CCDC181: variants seen among roughly 807,000 people sequenced by gnomAD.
The protein encoded by CCDC181 is coiled-coil domain containing 181.
A neutral mutation model predicts 58.7 loss-of-function variants in CCDC181; 35 were observed. The ratio of observed to expected loss-of-function variants is 0.60; its 90% CI spans 0.46 to 0.79. The LOEUF is 0.79. Among genes scored for constraint, CCDC181 ranks in the 30% least tolerant of loss-of-function variants. The probability of loss-of-function intolerance (pLI) is 0.00; values close to 1 mark genes in which losing one functional copy is unlikely to be tolerated. For synonymous variants in CCDC181, 183 were observed against 197.5 expected, an observed-to-expected ratio of 0.93 and a Z score of 0.62; for missense variants, 517 against 583.9, an observed-to-expected ratio of 0.89 and a Z score of 1.18.
chr1:169,445,952 T>C (rs1657361836), intron 2 of CCDC181, among the ~76,000 whole-genome samples: 1 of 152,188 alleles, frequency 6.6e-6, no homozygotes, highest in African/African-American at 2.4e-5. Context: ...GATTCCTCTC[T>C]CATTTCTGAT....
At chr1:169,437,867 T>A (rs566612093) in intron 2 of CCDC181, among the ~76,000 whole-genome samples, 3 of 152,358 alleles carry the variant, frequency 2.0e-5, no homozygotes, top group South Asian at 4.1e-4. Context: ...GTTTTAAAAG[T>A]AAACATTTGC....
chr1:169,428,887 T>G (rs1029502326), upstream of CCDC181, among the ~76,000 whole-genome samples: 2 of 152,210 alleles, frequency 1.3e-5, no homozygotes, highest in African/African-American at 4.8e-5. Context: ...ACAACTGAGC[T>G]CAGGCAGTCT....
intron 2 of CCDC181, among the ~76,000 whole-genome samples, chr1:169,446,255 C>T (rs1377562747): frequency 6.6e-6 from 1 of 152,028 alleles, no homozygotes; most frequent in Non-Finnish European, 1.5e-5. Flanking sequence ...ACCATCTTGG[C>T]CAACATCATG....
chr1:169,404,851 G>C (rs542939575), intron 4 of CCDC181, among the ~76,000 whole-genome samples: 21 of 152,290 alleles, frequency 1.4e-4, no homozygotes, highest in African/African-American at 5.1e-4. Context: ...ATTCAATTAG[G>C]AAAAGAGGAA....
At chr1:169,401,831 G>A (rs1655368411) in intron 4 of CCDC181, among the ~76,000 whole-genome samples, 1 of 152,202 alleles carries the variant, frequency 6.6e-6, no homozygotes, top group Admixed American at 6.5e-5. Context: ...GAAGGCTTCA[G>A]ACAATCGGTA....
intron 2 of CCDC181, among the ~76,000 whole-genome samples, chr1:169,436,723 C>T (rs933823760): frequency 6.6e-6 from 1 of 152,146 alleles, no homozygotes. Context: ...TTCACTATTA[C>T]CTCTTTAGTA....
chr1:169,416,294 A>C (rs765804238), intron 4 of CCDC181, among the ~76,000 whole-genome samples: 1 of 152,130 alleles, frequency 6.6e-6, no homozygotes, highest in African/African-American at 2.4e-5. Flanking sequence ...CCTTCTGTCC[A>C]TGGGTCACGC....
chr1:169,442,691 G>A (rs1414027197), intron 2 of CCDC181: 1 of 152,030 alleles, frequency 6.6e-6, no homozygotes, highest in African/African-American at 2.4e-5. Flanking sequence ...GAGATATTTT[G>A]TAAATTAAAA....
At chr1:169,448,101 T>A (rs917391583) in intron 2 of CCDC181, among the ~76,000 whole-genome samples, 1 of 152,162 alleles carries the variant, frequency 6.6e-6, no homozygotes, top group Non-Finnish European at 1.5e-5. Context: ...GTAGTGCAGG[T>A]ACCTAATAAC....
chr1:169,417,932 C>T (rs1038475667), intron 4 of CCDC181, among the ~76,000 whole-genome samples: 2 of 152,070 alleles, frequency 1.3e-5, no homozygotes, highest in Non-Finnish European at 2.9e-5. Context: ...CTCACACATG[C>T]TCATATACAA....
At chr1:169,456,300 T>G (rs1352607215) in intron 2 of CCDC181, among the ~76,000 whole-genome samples, 1 of 152,176 alleles carries the variant, frequency 6.6e-6, no homozygotes, top group Admixed American at 6.5e-5. Flanking sequence ...GGAGCACAGA[T>G]GCACTGTGCA....
chr1:169,432,521 A>G (rs1485824191), intron 2 of CCDC181, among the ~76,000 whole-genome samples: 2 of 152,166 alleles, frequency 1.3e-5, no homozygotes, highest in Non-Finnish European at 1.5e-5. Flanking sequence ...AATTCAAACA[A>G]ACCTCCACTG....
intron 4 of CCDC181, among the ~76,000 whole-genome samples, chr1:169,417,014 A>C (rs1248431523): frequency 6.6e-5 from 10 of 152,206 alleles, no homozygotes; most frequent in Non-Finnish European, 2.9e-5. Flanking sequence ...TCACAGAATA[A>C]TACACACGCT....
intron 4 of CCDC181, among the ~76,000 whole-genome samples, chr1:169,408,183 T>C (rs1005129655): frequency 6.6e-5 from 10 of 152,206 alleles, no homozygotes; most frequent in African/African-American, 1.9e-4. Context: ...AAATTCTCAC[T>C]GCCAGCACAG....
At chr1:169,401,668 CCAAAGGTAGATAAGACCA>C (rs1655357718) in intron 4 of CCDC181, among the ~76,000 whole-genome samples, 1 of 152,148 alleles carries the variant, frequency 6.6e-6, no homozygotes. Flanking sequence ...TCGTCAAAGA[CCAAAGGTAGATAAGACCA>C]CAAAGATGGG....
intron 4 of CCDC181, among the ~76,000 whole-genome samples, chr1:169,406,719 G>C (rs1167160269): frequency 1.3e-5 from 2 of 151,684 alleles, no homozygotes; most frequent in South Asian, 4.2e-4. Context: ...ACACCAACAT[G>C]GCACATGTAT....
At chr1:169,408,994 A>G (rs1233312873) in intron 4 of CCDC181, among the ~76,000 whole-genome samples, 1 of 152,256 alleles carries the variant, frequency 6.6e-6, no homozygotes, top group Non-Finnish European at 1.5e-5. Context: ...CCAAAGGATC[A>G]CAACTCCTCG....
chr1:169,428,932 T>C (rs1436422594), upstream of CCDC181, among the ~76,000 whole-genome samples: 1 of 152,152 alleles, frequency 6.6e-6, no homozygotes, highest in East Asian at 1.9e-4. Context: ...ATGTAGTTTT[T>C]TTATGCCTCA....
chr1:169,447,505 G>T (rs1657409961), intron 2 of CCDC181, among the ~76,000 whole-genome samples: 1 of 152,122 alleles, frequency 6.6e-6, no homozygotes, highest in Non-Finnish European at 1.5e-5. Context: ...TGCCATTGTG[G>T]AAGTATTCTA....
Sources: allele counts gnomAD v4.1 joint callset (sites outside exome capture counted in the v4.1 genomes callset), GRCh38; gene constraint gnomAD v4.1.1; transcripts MANE v1.5; gene names NCBI Gene and HGNC (gene_info 2026-07-23, HGNC 2026-07-21).